Variants in CELF5 observed in about 807,000 individuals in gnomAD.
CELF5 encodes CUG-BP and ETR-3 like factor 5.
CELF5 carries 6 observed loss-of-function variants against 54.9 expected under a neutral mutation model. That is an observed-to-expected ratio of 0.11 (90% CI 0.06 to 0.22). The LOEUF (loss-of-function observed/expected upper bound fraction) is 0.22. Among genes scored for constraint, CELF5 ranks in the 10% least tolerant of loss-of-function variants. CELF5 has a pLI of 1.00. For synonymous variants in CELF5, 271 were observed against 290.9 expected (o/e 0.93, Z 0.70); for missense variants, 401 against 678.6 (o/e 0.59, Z 4.54).
At chr19:3,265,872 T>G (rs2079874763) in intron 2 of CELF5, among the ~76,000 whole-genome samples, 1 of 152,126 alleles carries the variant, frequency 6.6e-6, no homozygotes, top group African/African-American at 2.4e-5. Context: ...GATGGCGTGA[T>G]CTCAGCTCAC....
chr19:3,234,390 C>T (rs556771911), intron 1 of CELF5, among the ~76,000 whole-genome samples: 10 of 152,162 alleles, frequency 6.6e-5, no homozygotes, highest in African/African-American at 2.2e-4. Flanking sequence ...TGAGCCACCG[C>T]GCCCAGCCAT....
intron 1 of CELF5, chr19:3,225,711 C>A: frequency 2.3e-6 from 1 of 436,638 alleles, no homozygotes; most frequent in African/African-American, 2.1e-5. Flanking sequence ...CCCGTCGCTG[C>A]CCACCCCCTG....
At chr19:3,227,806 C>G (rs1885784868) in intron 1 of CELF5, among the ~76,000 whole-genome samples, 1 of 152,086 alleles carries the variant, frequency 6.6e-6, no homozygotes, top group African/African-American at 2.4e-5. Flanking sequence ...CCCCTGCCTT[C>G]CTCCCAGGCC....
At chr19:3,225,484 C>A in intron 1 of CELF5, 3 of 142,470 alleles carry the variant, frequency 2.1e-5, no homozygotes, top group Non-Finnish European at 2.3e-5. Context: ...CACCCCCATT[C>A]ATTCAGCCTC....
At chr19:3,276,326 G>A in intron 4 of CELF5, among the ~76,000 whole-genome samples, 1 of 150,650 alleles carries the variant, frequency 6.6e-6, no homozygotes, top group South Asian at 2.1e-4. Context: ...GCAGGGGTGG[G>A]GAGGAGCTGG....
chr19:3,278,549 T>C lies in CELF5; in HGVS notation c.603+439T>C, dbSNP rs2080094587. Among the ~76,000 whole-genome samples, 5 of 151,962 alleles carry C rather than the reference T, an allele frequency of 3.3e-5. No homozygotes were observed. The highest frequency in any genetic ancestry group is 1.2e-4 in the African/African-American group (5 of 41,356). On this transcript the variant is annotated intron_variant, in intron 5 of 12. Transcript: ENST00000292672. The surrounding 1 kb of genome is among the most constrained non-coding windows in gnomAD (Gnocchi z 4.5). ...GTGCCATTGTGTGCTAGTGTAGAGATACTAGTGCGTGTGCGTGTATGAGAG... is the reference window on the plus strand; with the variant it reads ...GTGCCATTGTGTGCTAGTGTAGAGACACTAGTGCGTGTGCGTGTATGAGAG...
At chr19:3,252,975 T>C (rs2079671456) in intron 2 of CELF5, among the ~76,000 whole-genome samples, 1 of 151,954 alleles carries the variant, frequency 6.6e-6, no homozygotes, top group Non-Finnish European at 1.5e-5. Context: ...GGAAGGGCAC[T>C]CCAGGCAGAA....
chr19:3,263,723 A>G (rs1376705450), intron 2 of CELF5, among the ~76,000 whole-genome samples: 4 of 151,908 alleles, frequency 2.6e-5, no homozygotes, highest in East Asian at 1.9e-4. Flanking sequence ...TGGCCAACAT[A>G]GTGAAACCCC....
intron 1 of CELF5, among the ~76,000 whole-genome samples, chr19:3,229,501 G>A (rs141280737): frequency 3.3e-5 from 5 of 152,328 alleles, no homozygotes; most frequent in African/African-American, 7.2e-5. Context: ...CAGGAGGGCC[G>A]CCTGGAGGAG....
intron 1 of CELF5, among the ~76,000 whole-genome samples, chr19:3,231,925 A>G (rs887176198): frequency 1.9e-4 from 28 of 150,926 alleles, no homozygotes; most frequent in African/African-American, 6.3e-4. Flanking sequence ...GGTTGGATGG[A>G]TGGATGAAAA....
At chr19:3,286,154 G>C in intron 10 of CELF5, 129 bp downstream of exon 10, 1 of 735,398 alleles carries the variant, frequency 1.4e-6, no homozygotes, top group Non-Finnish European at 2.0e-6. Flanking sequence ...GGGCTGGACA[G>C]GCCAGAGTTG....
rs2080101982 is a variant in CELF5 at position 3,278,878 on chromosome 19, C to T, written c.603+768C>T. ...TGGATTTGCTGAGGCCAGGAGAGGC[C>T]CTGACAAAAAGAAAGGCTGGGAGGT... On this transcript the variant is annotated intron_variant, in intron 5 of 12. Transcript: ENST00000292672. The surrounding 1 kb of genome is among the most constrained non-coding windows in gnomAD (Gnocchi z 4.5). Among the ~76,000 whole-genome samples the T allele has an allele frequency of 6.6e-6, 1 of 151,940 alleles. No individual in the cohort carries two copies. Among genetic ancestry groups the T allele is most frequent in the Non-Finnish European group, 1.5e-5 (1 of 68,006 alleles).
chr19:3,293,720 G>A, intron 12 of CELF5: 1 of 426,206 alleles, frequency 2.3e-6, no homozygotes, highest in African/African-American at 2.0e-5. Context: ...GGTGAGCCAG[G>A]GCCCAGTGAG....
intron 1 of CELF5, chr19:3,225,508 G>A (rs1817253217): frequency 6.1e-6 from 5 of 825,032 alleles, no homozygotes; most frequent in African/African-American, 4.7e-5. Context: ...AGGCCCCGTC[G>A]GGGAAGTTTG....
intron 2 of CELF5, chr19:3,270,564 G>A (rs1337447798): frequency 1.4e-5 from 2 of 147,158 alleles, no homozygotes; most frequent in Non-Finnish European, 3.0e-5. Context: ...CGCGGCGCGG[G>A]GCCCGAGCGT....
At chr19:3,239,627 C>T (rs2079463078) in intron 1 of CELF5, among the ~76,000 whole-genome samples, 1 of 151,884 alleles carries the variant, frequency 6.6e-6, no homozygotes, top group African/African-American at 2.4e-5. Flanking sequence ...CACCATTCAA[C>T]CCATTACATC....
chr19:3,296,724 G>C (rs964115704), intron 12 of CELF5, 34 bp from the exon 13 acceptor site: 2 of 152,136 alleles, frequency 1.3e-5, no homozygotes, highest in African/African-American at 4.8e-5. Flanking sequence ...ATGTTTACTG[G>C]CTGTAAATAC....
intron 1 of CELF5, among the ~76,000 whole-genome samples, chr19:3,243,102 G>A (rs2145028771): frequency 1.3e-5 from 2 of 152,046 alleles, no homozygotes; most frequent in South Asian, 4.2e-4. Flanking sequence ...TACTGCATAG[G>A]GGCTACTATG....
intron 10 of CELF5, among the ~76,000 whole-genome samples, chr19:3,287,377 T>A (rs2080270292): frequency 6.7e-6 from 1 of 149,786 alleles, no homozygotes; most frequent in African/African-American, 2.5e-5. Context: ...CTGGCCAACA[T>A]GGTGAAACCC....
Sources: allele counts gnomAD v4.1 joint callset (sites outside exome capture counted in the v4.1 genomes callset), GRCh38; gene constraint gnomAD v4.1.1; non-coding constraint Gnocchi (gnomAD v3.1); transcripts MANE v1.5; gene names NCBI Gene and HGNC (gene_info 2026-07-23, HGNC 2026-07-21).